CA10: variants seen among roughly 807,000 people sequenced by gnomAD.
CA10 encodes carbonic anhydrase 10 (inactive).
A neutral mutation model predicts 44.2 loss-of-function variants in CA10; 14 were observed. The observed-to-expected ratio is 0.32, with a 90% CI of 0.21 to 0.50. The LOEUF (loss-of-function observed/expected upper bound fraction) is 0.50, where lower values mean the gene tolerates loss of function less well. Ranked by LOEUF, CA10 falls within the 20% of genes least tolerant of loss-of-function variation. CA10 has a pLI of 0.99. For missense variants in CA10, 350 were observed against 409.7 expected, an observed-to-expected ratio of 0.85 and a Z score of 1.26; for synonymous variants, 159 against 141.6, an observed-to-expected ratio of 1.12 and a Z score of -0.87.
chr17:51,687,104 C>G (rs1176395655), intron 4 of CA10, among the ~76,000 whole-genome samples: 1 of 152,202 alleles, frequency 6.6e-6, no homozygotes, highest in Non-Finnish European at 1.5e-5. Flanking sequence ...ATTGTCCTGA[C>G]TTTTGAAACC....
At chr17:51,687,300 A>C (rs1309366315) in intron 4 of CA10, among the ~76,000 whole-genome samples, 1 of 152,182 alleles carries the variant, frequency 6.6e-6, no homozygotes, top group African/African-American at 2.4e-5. Flanking sequence ...TCTCCTTCTT[A>C]GATCATTCTT....
intron 2 of CA10, among the ~76,000 whole-genome samples, chr17:51,993,317 T>C (rs1985110603): frequency 6.6e-6 from 1 of 152,140 alleles, no homozygotes; most frequent in Admixed American, 6.6e-5. Flanking sequence ...CACTACAGAA[T>C]TCGCTCTGCT....
At chr17:52,147,032 T>C (rs1320674334) in intron 1 of CA10, among the ~76,000 whole-genome samples, 1 of 152,182 alleles carries the variant, frequency 6.6e-6, no homozygotes, top group Non-Finnish European at 1.5e-5. Context: ...GTTATGTCAC[T>C]GAGATTGTGG....
chr17:52,139,633 C>A (rs1246863136), intron 1 of CA10, among the ~76,000 whole-genome samples: 1 of 151,978 alleles, frequency 6.6e-6, no homozygotes, highest in Non-Finnish European at 1.5e-5. Flanking sequence ...TACTCCCAAA[C>A]AGACTTGTAG....
chr17:51,642,963 A>T (rs1031207760), intron 6 of CA10, among the ~76,000 whole-genome samples: 3 of 152,114 alleles, frequency 2.0e-5, no homozygotes, highest in Admixed American at 6.6e-5. Flanking sequence ...TTTAAATTTG[A>T]AATTTGTGAT....
At chr17:51,939,074 T>C (rs1341210588) in intron 2 of CA10, among the ~76,000 whole-genome samples, 2 of 152,078 alleles carry the variant, frequency 1.3e-5, no homozygotes, top group Non-Finnish European at 2.9e-5. Flanking sequence ...TGAAAGTGTA[T>C]TAGGCATCAT....
chr17:51,780,329 GGT>G (rs1382769184), intron 3 of CA10, among the ~76,000 whole-genome samples: 1 of 152,180 alleles, frequency 6.6e-6, no homozygotes, highest in African/African-American at 2.4e-5. Context: ...GGCTCATCAA[GGT>G]GGAGAGACTT....
intron 4 of CA10, among the ~76,000 whole-genome samples, chr17:51,708,963 C>T (rs1324513297): frequency 6.6e-6 from 1 of 152,202 alleles, no homozygotes; most frequent in East Asian, 1.9e-4. Context: ...GGCTTCCCTG[C>T]TCCTCAGGTT....
chr17:51,783,332 G>T (rs1379585752), intron 3 of CA10, among the ~76,000 whole-genome samples: 1 of 152,106 alleles, frequency 6.6e-6, no homozygotes, highest in Admixed American at 6.5e-5. Flanking sequence ...CACACCCTGG[G>T]TACTCTGATT....
chr17:52,088,547 C>T (rs544777106), intron 1 of CA10, among the ~76,000 whole-genome samples: 2 of 152,132 alleles, frequency 1.3e-5, no homozygotes, highest in East Asian at 3.9e-4. Context: ...TACCACATAA[C>T]CTCAAGATCT....
intron 3 of CA10, among the ~76,000 whole-genome samples, chr17:51,838,652 A>C (rs1312445087): frequency 1.3e-5 from 2 of 152,244 alleles, no homozygotes; most frequent in Non-Finnish European, 2.9e-5. Flanking sequence ...CTTCCATAGA[A>C]ATTCAATGAG....
chr17:52,011,266 T>C (rs547420117), intron 2 of CA10, among the ~76,000 whole-genome samples: 12 of 152,128 alleles, frequency 7.9e-5, no homozygotes, highest in Admixed American at 6.6e-4. Flanking sequence ...TTTTCCATAG[T>C]CAGCAATCCT....
chr17:51,821,359 A>G (rs112548113), intron 3 of CA10, among the ~76,000 whole-genome samples: 2,374 of 151,868 alleles, frequency 0.016, 36 homozygotes, highest in Non-Finnish European at 0.026. Context: ...ACGACCATCC[A>G]CTAAACCTTG....
chr17:51,984,589 A>G (rs777966326), intron 2 of CA10, among the ~76,000 whole-genome samples: 2 of 151,970 alleles, frequency 1.3e-5, no homozygotes, highest in Non-Finnish European at 2.9e-5. Context: ...CTTTGAAAAA[A>G]TAAATAAAAT....
chr17:51,690,628 T>G (rs2143422602), intron 4 of CA10, among the ~76,000 whole-genome samples: 1 of 152,290 alleles, frequency 6.6e-6, no homozygotes, highest in African/African-American at 2.4e-5. Context: ...CAAAGGGCAG[T>G]TCCCCTGCAC....
At chr17:51,818,576 C>T (rs752912190) in intron 3 of CA10, among the ~76,000 whole-genome samples, 2 of 152,176 alleles carry the variant, frequency 1.3e-5, no homozygotes, top group Non-Finnish European at 2.9e-5. Flanking sequence ...TCCTAGGGCC[C>T]TGTGTTCTCC....
At chr17:51,864,126 C>A (rs1053234317) in intron 3 of CA10, among the ~76,000 whole-genome samples, 1 of 152,196 alleles carries the variant, frequency 6.6e-6, no homozygotes, top group Non-Finnish European at 1.5e-5. Flanking sequence ...TGAGTCACCT[C>A]ATTAGCAAAA....
At chr17:52,099,927 T>C (rs1052675373) in intron 1 of CA10, among the ~76,000 whole-genome samples, 1 of 152,192 alleles carries the variant, frequency 6.6e-6, no homozygotes, top group Non-Finnish European at 1.5e-5. Context: ...GATTTGGCAA[T>C]ACATAGATCA....
chr17:51,892,130 G>C (rs1394041608), intron 3 of CA10, among the ~76,000 whole-genome samples: 1 of 152,184 alleles, frequency 6.6e-6, no homozygotes, highest in Admixed American at 6.5e-5. Flanking sequence ...GACTTGGAGA[G>C]AATAGTTACA....
Sources: allele counts gnomAD v4.1 joint callset (sites outside exome capture counted in the v4.1 genomes callset), GRCh38; gene constraint gnomAD v4.1.1; transcripts MANE v1.5; gene names NCBI Gene and HGNC (gene_info 2026-07-23, HGNC 2026-07-21).